The following MAD1L1 variants were observed in gnomAD, a reference collection of about 807,000 sequenced individuals.
The protein encoded by MAD1L1 is mitotic arrest deficient 1 like 1.
MAD1L1 carries 95 observed loss-of-function variants against 96.9 expected under a neutral mutation model. That is an observed-to-expected ratio of 0.98 (90% CI 0.83 to 1.16). The LOEUF (loss-of-function observed/expected upper bound fraction) is 1.16, where lower values mean the gene tolerates loss of function less well. MAD1L1 is among the 50% of genes most tolerant of loss of function. The pLI is 0.00. For synonymous variants in MAD1L1, 473 were observed against 396.6 expected, an observed-to-expected ratio of 1.19 and a Z score of -2.29; for missense variants, 1,007 against 954.4, an observed-to-expected ratio of 1.06 and a Z score of -0.73.
chr7:2,118,545 C>G (rs191846560), intron 11 of MAD1L1, among the ~76,000 whole-genome samples: 3 of 152,240 alleles, frequency 2.0e-5, no homozygotes, highest in African/African-American at 7.2e-5. Context: ...ACTCAACACA[C>G]TGGGCCAGCA....
chr7:1,983,164 A>G (rs974154584), intron 14 of MAD1L1, among the ~76,000 whole-genome samples: 4 of 127,192 alleles, frequency 3.1e-5, no homozygotes, highest in East Asian at 2.9e-4. Flanking sequence ...GCACACACAC[A>G]CACACACACA....
intron 10 of MAD1L1, among the ~76,000 whole-genome samples, chr7:2,202,841 C>T (rs1792387439): frequency 6.6e-6 from 1 of 152,262 alleles, no homozygotes; most frequent in Non-Finnish European, 1.5e-5. Context: ...CATCCCCTCA[C>T]TGTCCTCCTA....
chr7:2,183,133 A>G (rs929891009), intron 10 of MAD1L1, among the ~76,000 whole-genome samples: 1 of 151,842 alleles, frequency 6.6e-6, no homozygotes, highest in African/African-American at 2.4e-5. Flanking sequence ...GGATCACTTG[A>G]GCCCAGGAGT....
intron 10 of MAD1L1, among the ~76,000 whole-genome samples, chr7:2,162,842 C>T (rs1184019746): frequency 6.6e-6 from 1 of 150,638 alleles, no homozygotes; most frequent in Non-Finnish European, 1.5e-5. Context: ...ACTTTTTCTT[C>T]GAACATGAGT....
chr7:1,981,450 G>A (rs888269612), intron 14 of MAD1L1, among the ~76,000 whole-genome samples: 27 of 152,160 alleles, frequency 1.8e-4, no homozygotes, highest in African/African-American at 5.3e-4. Context: ...TCCAGGGCCC[G>A]GGGGTGCTAA....
chr7:2,160,453 C>T (rs1415629810), intron 10 of MAD1L1, among the ~76,000 whole-genome samples: 1 of 150,146 alleles, frequency 6.7e-6, no homozygotes. Flanking sequence ...CTGCCTCAGA[C>T]TCCCGAGGGG....
At chr7:2,025,940 A>G (rs1782978852) in intron 12 of MAD1L1, among the ~76,000 whole-genome samples, 1 of 152,214 alleles carries the variant, frequency 6.6e-6, no homozygotes, top group African/African-American at 2.4e-5. Flanking sequence ...AAAAACGAAT[A>G]AAAACTAAAG....
intron 14 of MAD1L1, among the ~76,000 whole-genome samples, chr7:2,001,475 C>T (rs557957398): frequency 3.3e-5 from 5 of 152,282 alleles, no homozygotes; most frequent in South Asian, 4.1e-4. Context: ...TGGTCCCCCA[C>T]GGGCCCACAC....
At chr7:2,056,843 C>T (rs1784408007) in intron 12 of MAD1L1, among the ~76,000 whole-genome samples, 1 of 152,340 alleles carries the variant, frequency 6.6e-6, no homozygotes, top group African/African-American at 2.4e-5. Context: ...CTGGTCTTCC[C>T]ACTGCACCAC....
At chr7:2,065,543 T>A (rs1186554271) in intron 12 of MAD1L1, among the ~76,000 whole-genome samples, 1 of 152,106 alleles carries the variant, frequency 6.6e-6, no homozygotes, top group African/African-American at 2.4e-5. Context: ...AACCCCAGCT[T>A]CGGAGGAGGT....
chr7:1,933,527 G>T (rs954760943), intron 17 of MAD1L1, among the ~76,000 whole-genome samples: 3 of 152,196 alleles, frequency 2.0e-5, no homozygotes, highest in African/African-American at 7.2e-5. Flanking sequence ...CAGAGCAGCG[G>T]TCCACAAACG....
chr7:2,061,615 C>T (rs1055161473), intron 12 of MAD1L1, among the ~76,000 whole-genome samples: 6 of 152,200 alleles, frequency 3.9e-5, no homozygotes, highest in Non-Finnish European at 8.8e-5. Flanking sequence ...GTAACTCTGG[C>T]GGGGGTGGCA....
At chr7:1,969,307 G>A (rs1176440354) in intron 15 of MAD1L1, among the ~76,000 whole-genome samples, 8 of 152,198 alleles carry the variant, frequency 5.3e-5, no homozygotes, top group Admixed American at 1.3e-4. Context: ...ACTTGAACCC[G>A]GGAGGCAGAG....
chr7:2,080,917 G>A (rs1785608893), intron 11 of MAD1L1, among the ~76,000 whole-genome samples: 2 of 152,222 alleles, frequency 1.3e-5, no homozygotes, highest in South Asian at 2.1e-4. Context: ...CGGTACCGCC[G>A]GGACGTGGCC....
At chr7:1,844,414 G>T (rs534744471) in intron 18 of MAD1L1, among the ~76,000 whole-genome samples, 1 of 152,210 alleles carries the variant, frequency 6.6e-6, no homozygotes, top group South Asian at 2.1e-4. Context: ...GAGAGACGCC[G>T]GTTGGGTGCT....
chr7:1,942,366 A>G (rs1004448876), intron 16 of MAD1L1, among the ~76,000 whole-genome samples: 2 of 152,230 alleles, frequency 1.3e-5, no homozygotes, highest in African/African-American at 2.4e-5. Context: ...GGCGACAGCC[A>G]AACTTCCAGC....
At chr7:1,857,484 T>C (rs1364837727) in intron 18 of MAD1L1, among the ~76,000 whole-genome samples, 1 of 152,136 alleles carries the variant, frequency 6.6e-6, no homozygotes, top group Non-Finnish European at 1.5e-5. Flanking sequence ...CCACCCCGCG[T>C]GTGCAGCTGA....
At chr7:2,143,439 G>T (rs1034683507) in intron 11 of MAD1L1, among the ~76,000 whole-genome samples, 3 of 151,568 alleles carry the variant, frequency 2.0e-5, no homozygotes, top group Admixed American at 2.0e-4. Context: ...GGGACCAACA[G>T]CAGGAAAGAC....
chr7:1,980,116 GA>G (rs1780825723), intron 15 of MAD1L1, among the ~76,000 whole-genome samples: 1 of 152,198 alleles, frequency 6.6e-6, no homozygotes, highest in Non-Finnish European at 1.5e-5. Context: ...TGGAGAGGGG[GA>G]CAGGAGGCTG....
Sources: gnomAD v4.1 joint callset for allele counts (sites outside exome capture counted in the v4.1 genomes callset) on GRCh38, gnomAD v4.1.1 for gene constraint, MANE v1.5 for transcripts, NCBI Gene and HGNC (gene_info 2026-07-23, HGNC 2026-07-21) for gene names.